Variants in STXBP5 observed in about 807,000 individuals in gnomAD.
STXBP5 encodes syntaxin-binding protein 5.
A neutral mutation model predicts 152.4 loss-of-function variants in STXBP5; 50 were observed. That is an observed-to-expected ratio of 0.33 (90% CI 0.26 to 0.42). The LOEUF (loss-of-function observed/expected upper bound fraction) is 0.42, where lower values mean the gene tolerates loss of function less well. Ranked by LOEUF, STXBP5 falls within the 10% of genes least tolerant of loss-of-function variation. The pLI, the probability that STXBP5 is intolerant of heterozygous loss-of-function variation, is 1.00. For synonymous variants in STXBP5, 492 were observed against 494.7 expected, an observed-to-expected ratio of 0.99 and a Z score of 0.07; for missense variants, 1,167 against 1,388.6, an observed-to-expected ratio of 0.84 and a Z score of 2.54.
chr6:147,226,134 A>AAAAC (rs575302411), intron 2 of STXBP5, among the ~76,000 whole-genome samples: 5 of 151,934 alleles, frequency 3.3e-5, no homozygotes, highest in South Asian at 2.1e-4. Context: ...TGGCTCTACC[A>AAAAC]AAACAAACAA....
intron 2 of STXBP5, among the ~76,000 whole-genome samples, chr6:147,226,338 T>C (rs1393721240): frequency 6.6e-6 from 1 of 152,154 alleles, no homozygotes; most frequent in Admixed American, 6.6e-5. Context: ...TAAAACATGT[T>C]TCTTAGGTTT....
At chr6:147,346,457 G>A (rs1010327288) in intron 21 of STXBP5, among the ~76,000 whole-genome samples, 2 of 152,056 alleles carry the variant, frequency 1.3e-5, no homozygotes, top group South Asian at 2.1e-4. Flanking sequence ...AAAGATACAC[G>A]GCCAGGCGCA....
chr6:147,344,192 G>T (rs1489408278), intron 21 of STXBP5, among the ~76,000 whole-genome samples: 3 of 152,002 alleles, frequency 2.0e-5, no homozygotes, highest in Non-Finnish European at 4.4e-5. Flanking sequence ...TTAATAAAAT[G>T]TGCTGGAAAG....
chr6:147,253,360 G>C (rs899771390), intron 4 of STXBP5, among the ~76,000 whole-genome samples: 1 of 152,108 alleles, frequency 6.6e-6, no homozygotes, highest in African/African-American at 2.4e-5. Flanking sequence ...TACCGAATGG[G>C]CAAAAGCTGG....
intron 9 of STXBP5, chr6:147,292,403 C>T (rs1781324969): frequency 1.3e-5 from 4 of 307,496 alleles, no homozygotes; most frequent in South Asian, 1.1e-4. Flanking sequence ...GGTTCATTTT[C>T]CTCACTTATG....
chr6:147,308,838 T>A (rs1326655743), intron 9 of STXBP5, among the ~76,000 whole-genome samples: 1 of 152,120 alleles, frequency 6.6e-6, no homozygotes, highest in Non-Finnish European at 1.5e-5. Context: ...TTAATGGGTG[T>A]TTTTCCCACA....
chr6:147,208,227 A>G (rs551600756), intron 2 of STXBP5, among the ~76,000 whole-genome samples: 47 of 152,276 alleles, frequency 3.1e-4, no homozygotes, highest in African/African-American at 1.1e-3. Flanking sequence ...TGAGATTTCT[A>G]TGGACATTCC....
Position 147,384,750 on chromosome 6 carries a change from T to C in STXBP5, c.3451T>C (p.Phe1151Leu), listed in dbSNP as rs1186791445. The change falls in exon 28 of 28, where the codon TTC (phenylalanine) becomes CTC (leucine). Residue 1151 changes from phenylalanine to leucine, a missense_variant. Around this residue, in one of 3 missense-constraint regions of STXBP5, gnomAD observed 833 missense variants for 986.3 expected, o/e 0.84. Transcript: ENST00000321680. ...LKYKDKKWYQ[F>L] ...ATACAAAGATAAGAAGTGGTACCAG[T>C]TCTGACAACCAGAATCCAATAAGTC... 2 of 1,611,336 alleles carry C rather than the reference T, an allele frequency of 1.2e-6. No individual in the cohort carries two copies. Among genetic ancestry groups the C allele is most frequent in the African/African-American group, 1.3e-5 (1 of 74,704 alleles).
intron 5 of STXBP5, among the ~76,000 whole-genome samples, chr6:147,261,325 G>A (rs1187843127): frequency 6.6e-6 from 1 of 151,732 alleles, no homozygotes; most frequent in East Asian, 1.9e-4. Context: ...AAACTATAGG[G>A]CCCTAAGGAT....
At chr6:147,356,012 T>C (rs1298889304) in intron 22 of STXBP5, among the ~76,000 whole-genome samples, 1 of 152,154 alleles carries the variant, frequency 6.6e-6, no homozygotes, top group Non-Finnish European at 1.5e-5. Flanking sequence ...AACCTATTTC[T>C]ATCAGTTTCA....
chr6:147,226,576 G>A (rs1018243889), intron 2 of STXBP5, among the ~76,000 whole-genome samples: 1 of 152,156 alleles, frequency 6.6e-6, no homozygotes, highest in Non-Finnish European at 1.5e-5. Context: ...CAGTATGACT[G>A]TATAATAAGC....
At chr6:147,211,869 A>G (rs1433401620) in intron 2 of STXBP5, among the ~76,000 whole-genome samples, 1 of 152,068 alleles carries the variant, frequency 6.6e-6, no homozygotes, top group Admixed American at 6.5e-5. Context: ...GATTTTATCC[A>G]TTCTTCTCCC....
rs990793936 is a variant in STXBP5 at position 147,267,233 on chromosome 6, C to G, written c.714+66C>G. 2.1e-5 allele frequency: 29 copies of G among 1,364,938 alleles called. No homozygotes were observed. The African/African-American group carries it at 4.3e-4, about 20-fold the overall frequency. The allele number at this position is 1,364,938 out of a possible 1,614,324, so 84.6% of individuals were successfully genotyped here. A position where few individuals can be genotyped will look rare whatever the true frequency, so the allele number is the denominator to read the frequency against. Reference sequence around the variant, plus strand: ...TCATATAAAGCAGTTTCTCTAAAAACTTAATTGGTAATTTTACTTTAGGCA... The same window carrying G: ...TCATATAAAGCAGTTTCTCTAAAAAGTTAATTGGTAATTTTACTTTAGGCA... On this transcript the variant is annotated intron_variant, in intron 7 of 27. Coordinates refer to ENST00000321680, the MANE Select transcript of STXBP5 (RefSeq NM_001127715.4).
chr6:147,214,992 G>C (rs1056745525), intron 2 of STXBP5, among the ~76,000 whole-genome samples: 13 of 152,172 alleles, frequency 8.5e-5, no homozygotes, highest in Admixed American at 4.6e-4. Context: ...GACACTTAAA[G>C]AAGATCTGAG....
chr6:147,276,332 G>C (rs980519506), intron 7 of STXBP5, among the ~76,000 whole-genome samples: 1 of 152,042 alleles, frequency 6.6e-6, no homozygotes, highest in East Asian at 1.9e-4. Context: ...GGTGTTTTCT[G>C]TTATTTGTTT....
Position 147,260,739 on chromosome 6 carries a change from G to A in STXBP5, c.556G>A (p.Ala186Thr), listed in dbSNP as rs779829503. The A allele has an allele frequency of 6.2e-7, 1 of 1,612,810 alleles. No individual in the cohort carries two copies. The highest frequency in any genetic ancestry group is 1.3e-5 in the African/African-American group (1 of 74,836). The part of the protein sequence containing the change: ...LSGYVIMWNK[A>T]IELSSKSHPG... The stretch of plus-strand genomic sequence containing the variant: ...AGGCTACGTCATTATGTGGAATAAA[G>A]CCATTGAACTGTGAGTTTGAACAAA... The change falls in exon 5 of 28, where the codon GCC becomes ACC. Residue 186 changes from alanine to threonine, a missense_variant. Around this residue, in one of 3 missense-constraint regions of STXBP5, gnomAD observed 310 missense variants for 346.1 expected, o/e 0.90. Transcript: ENST00000321680.
chr6:147,242,052 G>A (rs1412460577), intron 4 of STXBP5, among the ~76,000 whole-genome samples: 1 of 151,972 alleles, frequency 6.6e-6, no homozygotes, highest in African/African-American at 2.4e-5. Context: ...ATCACTCAGT[G>A]TGTGTTACTG....
At chr6:147,249,495 A>G (rs550726145) in intron 4 of STXBP5, among the ~76,000 whole-genome samples, 3 of 152,346 alleles carry the variant, frequency 2.0e-5, no homozygotes, top group African/African-American at 7.2e-5. Context: ...GTGGGAGAAC[A>G]GAATGCTTAG....
intron 7 of STXBP5, among the ~76,000 whole-genome samples, chr6:147,273,124 A>G (rs1040971452): frequency 1.2e-4 from 18 of 151,352 alleles, no homozygotes; most frequent in Middle Eastern, 3.4e-3. Context: ...AGGCAGGAGC[A>G]GAAGGATCAG....
Sources: allele counts gnomAD v4.1 joint callset (sites outside exome capture counted in the v4.1 genomes callset), GRCh38; gene constraint gnomAD v4.1.1; regional missense constraint gnomAD v4.1.1; transcripts MANE v1.5; gene names NCBI Gene and HGNC (gene_info 2026-07-23, HGNC 2026-07-21).